The following UST variants were observed in gnomAD, a reference collection of about 807,000 sequenced individuals.
UST encodes chondroitin sulfate 2-O-sulfotransferase.
Under a neutral mutation model 45.6 loss-of-function variants are expected in UST, and 21 were observed. The ratio of observed to expected loss-of-function variants is 0.46; its 90% CI spans 0.33 to 0.66. The LOEUF (loss-of-function observed/expected upper bound fraction) is 0.66, where lower values mean the gene tolerates loss of function less well. Ranked by LOEUF, UST falls within the 30% of genes least tolerant of loss-of-function variation. The pLI, the probability that UST is intolerant of heterozygous loss-of-function variation, is 0.02. For synonymous variants in UST, 215 were observed against 200.6 expected, an observed-to-expected ratio of 1.07 and a Z score of -0.61; for missense variants, 463 against 512.4, an observed-to-expected ratio of 0.90 and a Z score of 0.93.
intron 1 of UST, among the ~76,000 whole-genome samples, chr6:148,866,280 T>A (rs1250065554): frequency 6.6e-6 from 1 of 152,174 alleles, no homozygotes; most frequent in Non-Finnish European, 1.5e-5. Context: ...AAGACATTTT[T>A]CAAAATCTGC....
chr6:148,971,357 T>C (rs1780915785), intron 5 of UST, among the ~76,000 whole-genome samples: 1 of 152,188 alleles, frequency 6.6e-6, no homozygotes, highest in African/African-American at 2.4e-5. Context: ...AATGTTGAGC[T>C]AAAATGGACA....
intron 1 of UST, among the ~76,000 whole-genome samples, chr6:148,884,119 T>C (rs1396244752): frequency 7.5e-6 from 1 of 133,818 alleles, no homozygotes; most frequent in African/African-American, 3.0e-5. Context: ...GGCAACAAAG[T>C]GAGACACCGT....
chr6:149,063,266 G>C (rs1776681806), intron 7 of UST, among the ~76,000 whole-genome samples: 1 of 151,978 alleles, frequency 6.6e-6, no homozygotes, highest in Non-Finnish European at 1.5e-5. Flanking sequence ...TTTTTACTTT[G>C]TTTTCCCTCT....
Position 149,075,501 on chromosome 6 carries a change from C to T in UST, c.*1385C>T, listed in dbSNP as rs1776878176. The T allele has an allele frequency of 1.3e-5, 2 of 152,148 alleles. No homozygotes were observed. Among genetic ancestry groups the T allele is most frequent in the Non-Finnish European group, 2.9e-5 (2 of 68,042 alleles). The allele number at this position is 152,148 out of a possible 1,614,324, so 9.4% of individuals were successfully genotyped here. On this transcript the variant is annotated 3_prime_UTR_variant, in exon 8 of 8. Coordinates refer to ENST00000367463, the MANE Select transcript of UST (RefSeq NM_005715.3). ...GCCAGCTTTGTAAGTAAGTGGCTGC[C>T]TCCAATGTGATGTGAGTACATGTTG...
At chr6:148,870,205 GA>G (rs1349861691) in intron 1 of UST, among the ~76,000 whole-genome samples, 1 of 151,360 alleles carries the variant, frequency 6.6e-6, no homozygotes, top group African/African-American at 2.4e-5. Context: ...ACTGAGACTT[GA>G]ACCCAGTCCG....
chr6:148,979,041 A>G (rs1239611938), intron 5 of UST, among the ~76,000 whole-genome samples: 1 of 152,152 alleles, frequency 6.6e-6, no homozygotes, highest in African/African-American at 2.4e-5. Context: ...CCTAAGGAAA[A>G]AGACAAAGAT....
intron 2 of UST, among the ~76,000 whole-genome samples, chr6:148,935,895 G>A (rs1409815027): frequency 6.6e-6 from 1 of 152,150 alleles, no homozygotes; most frequent in Non-Finnish European, 1.5e-5. Context: ...AAGCCTTCTG[G>A]GGACTTGAGT....
At chr6:149,002,449 A>C (rs1046639872) in intron 5 of UST, among the ~76,000 whole-genome samples, 2 of 152,216 alleles carry the variant, frequency 1.3e-5, no homozygotes, top group African/African-American at 4.8e-5. Context: ...GTTAAAAACT[A>C]AATAAATTTA....
At chr6:149,068,866 C>T (rs1562345405) in intron 7 of UST, among the ~76,000 whole-genome samples, 1 of 152,132 alleles carries the variant, frequency 6.6e-6, no homozygotes, top group Non-Finnish European at 1.5e-5. Context: ...CATTTGTACC[C>T]ATTAACCAAC....
At chr6:149,071,798 A>ACTTC (rs1776822143) in intron 7 of UST, among the ~76,000 whole-genome samples, 1 of 151,964 alleles carries the variant, frequency 6.6e-6, no homozygotes, top group Admixed American at 6.6e-5. Context: ...AAAAGCAAAC[A>ACTTC]AAAAAAAACC....
At chr6:149,031,738 C>A (rs950751292) in intron 7 of UST, among the ~76,000 whole-genome samples, 1 of 152,190 alleles carries the variant, frequency 6.6e-6, no homozygotes, top group Non-Finnish European at 1.5e-5. Context: ...AAAAATTCAA[C>A]AAACACCTCC....
intron 1 of UST, among the ~76,000 whole-genome samples, chr6:148,876,094 G>C (rs1157445996): frequency 6.6e-6 from 1 of 152,200 alleles, no homozygotes; most frequent in Non-Finnish European, 1.5e-5. Flanking sequence ...AGAAAGTATG[G>C]TGCTGGCATC....
chr6:149,054,999 GA>G (rs1776541242), intron 7 of UST, among the ~76,000 whole-genome samples: 1 of 152,170 alleles, frequency 6.6e-6, no homozygotes, highest in Admixed American at 6.5e-5. Context: ...AGCTCTCACA[GA>G]AACTCAAGAA....
intron 5 of UST, among the ~76,000 whole-genome samples, chr6:148,988,626 C>T (rs900384788): frequency 2.0e-5 from 3 of 148,196 alleles, no homozygotes; most frequent in Middle Eastern, 3.5e-3. Context: ...CCTATAACCA[C>T]AATTAACTTT....
chr6:148,972,506 A>G (rs1042394557), intron 5 of UST, among the ~76,000 whole-genome samples: 3 of 152,214 alleles, frequency 2.0e-5, no homozygotes, highest in Admixed American at 1.3e-4. Flanking sequence ...CAGATGTCCC[A>G]GTTGTGGGGG....
rs148563095 is a variant in UST at position 149,007,676 on chromosome 6, G to A, written c.682-11463G>A. Among the ~76,000 whole-genome samples, 1,115 of 151,392 alleles carry A rather than the reference G, an allele frequency of 7.4e-3. 13 individuals carry two copies. Among genetic ancestry groups the A allele is most frequent in the African/African-American group, 0.025 (1,030 of 41,260 alleles). On this transcript the variant is annotated intron_variant, in intron 5 of 7. Coordinates refer to ENST00000367463, the MANE Select transcript of UST (RefSeq NM_005715.3). ...TGACCTCAGGTGATCCACCTGCCTCGGCCTCCCAAAATGCTGGGATTACAG... is the reference window on the plus strand; with the variant it reads ...TGACCTCAGGTGATCCACCTGCCTCAGCCTCCCAAAATGCTGGGATTACAG...
At chr6:149,062,293 T>C (rs749048285) in intron 7 of UST, among the ~76,000 whole-genome samples, 4 of 152,238 alleles carry the variant, frequency 2.6e-5, no homozygotes, top group African/African-American at 4.8e-5. Context: ...AATGGAAAGT[T>C]TGCTCAGGAA....
At chr6:149,029,065 T>C (rs1182501132) in intron 7 of UST, among the ~76,000 whole-genome samples, 2 of 152,150 alleles carry the variant, frequency 1.3e-5, no homozygotes, top group Non-Finnish European at 2.9e-5. Flanking sequence ...GGTTCCCTAA[T>C]AGACTTTGCT....
chr6:149,063,857 C>G (rs543969928), intron 7 of UST, among the ~76,000 whole-genome samples: 34 of 152,278 alleles, frequency 2.2e-4, no homozygotes, highest in South Asian at 1.9e-3. Context: ...TTTGGAAGAA[C>G]AGCTAAATGA....
Sources: gnomAD v4.1 joint callset for allele counts (sites outside exome capture counted in the v4.1 genomes callset) on GRCh38, gnomAD v4.1.1 for gene constraint, MANE v1.5 for transcripts, NCBI Gene and HGNC (gene_info 2026-07-23, HGNC 2026-07-21) for gene names.